PLEKHB2: variants seen among roughly 807,000 people sequenced by gnomAD.
PLEKHB2 encodes pleckstrin homology domain-containing family B member 2.
Under a neutral mutation model 36.5 loss-of-function variants are expected in PLEKHB2, and 31 were observed. The ratio of observed to expected loss-of-function variants is 0.85; its 90% CI spans 0.64 to 1.15. PLEKHB2 has a LOEUF of 1.15. PLEKHB2 is among the 50% of genes most tolerant of loss of function. PLEKHB2 has a pLI of 0.00. For missense variants in PLEKHB2, 262 were observed against 295.3 expected, an observed-to-expected ratio of 0.89 and a Z score of 0.83; for synonymous variants, 119 against 112.0, an observed-to-expected ratio of 1.06 and a Z score of -0.39.
At position 131,115,341 on chromosome 2, in the gene PLEKHB2, C is replaced by CTTTTTTTTTTTTTT. The variant is rs1179533654; in HGVS notation, c.-8-5575_-8-5562dup. ...GCCAAACCATTATCAGAAAGTATGT[C>CTTTTTTTTTTTTTT]TTTTTTTTTTTTTTTTTTTTTTTTT... is the stretch of plus-strand genomic sequence containing the variant. On this transcript the variant is annotated intron_variant, in intron 1 of 7. Coordinates refer to ENST00000693505, the MANE Select transcript of PLEKHB2 (RefSeq NM_001100623.2). 6.2e-5 allele frequency among the ~76,000 whole-genome samples: 4 copies of CTTTTTTTTTTTTTT among 64,546 alleles called. 1 individual carries two copies. Among genetic ancestry groups the CTTTTTTTTTTTTTT allele is most frequent in the Non-Finnish European group, 1.2e-4 (4 of 33,868 alleles). The allele number at this position is 64,546 out of a possible 152,430, so 42.3% of individuals were successfully genotyped here. A position where few individuals can be genotyped will look rare whatever the true frequency, so the allele number is the denominator to read the frequency against.
At chr2:131,134,885 A>AT (rs1698074600) in intron 6 of PLEKHB2, among the ~76,000 whole-genome samples, 1 of 151,946 alleles carries the variant, frequency 6.6e-6, no homozygotes, top group African/African-American at 2.4e-5. Context: ...ATCCTCTTTG[A>AT]TTTTTTTCAT....
At chr2:131,126,849 C>T in intron 4 of PLEKHB2, 63 bp downstream of exon 4, 1 of 962,974 alleles carries the variant, frequency 1.0e-6, no homozygotes, top group Non-Finnish European at 1.6e-6. Flanking sequence ...TTCTGATTAC[C>T]AAAAAATGAA....
chr2:131,105,922 C>T (rs1573502120), intron 1 of PLEKHB2, among the ~76,000 whole-genome samples: 1 of 151,780 alleles, frequency 6.6e-6, no homozygotes, highest in Non-Finnish European at 1.5e-5. Context: ...CTTCTCAGTT[C>T]TCCTGCCCAG....
intron 1 of PLEKHB2, among the ~76,000 whole-genome samples, chr2:131,114,410 C>T (rs1254969887): frequency 1.3e-5 from 2 of 152,240 alleles, no homozygotes; most frequent in Non-Finnish European, 2.9e-5. Context: ...AGGCGTGAGC[C>T]ATGGCCCATC....
chr2:131,149,409 A>G lies in PLEKHB2; in HGVS notation c.*2636A>G, dbSNP rs555757313. 6.6e-6 allele frequency: 1 copy of G among 152,250 alleles called. No individual in the cohort carries two copies. Among genetic ancestry groups the G allele is most frequent in the Non-Finnish European group, 1.5e-5 (1 of 68,052 alleles). The allele number at this position is 152,250 out of a possible 1,614,324, so 9.4% of individuals were successfully genotyped here. On this transcript the variant is annotated 3_prime_UTR_variant, in exon 8 of 8. Coordinates refer to ENST00000693505, the MANE Select transcript of PLEKHB2 (RefSeq NM_001100623.2). ...CTTGAAGAAGTTGGCCAATGATATT[A>G]TATACATGCTGATCTGATTGTTCTT...
At chr2:131,124,589 A>G (rs1408747916) in intron 2 of PLEKHB2, among the ~76,000 whole-genome samples, 2 of 152,186 alleles carry the variant, frequency 1.3e-5, no homozygotes, top group Non-Finnish European at 2.9e-5. Flanking sequence ...AATTTGCTCA[A>G]GCTGACAGAA....
chr2:131,105,646 A>G (rs1036120339), intron 1 of PLEKHB2, among the ~76,000 whole-genome samples: 108 of 151,622 alleles, frequency 7.1e-4, no homozygotes, highest in Non-Finnish European at 2.5e-4. Flanking sequence ...AGCCCATTCG[A>G]GAGCCCTCCC....
chr2:131,149,254 T>G lies in PLEKHB2; in HGVS notation c.*2481T>G, dbSNP rs952594975. 1 of 152,266 alleles carries G rather than the reference T, an allele frequency of 6.6e-6. No homozygotes were observed. The highest frequency in any genetic ancestry group is 6.5e-5 in the Admixed American group (1 of 15,290). The allele number at this position is 152,266 out of a possible 1,614,324, so 9.4% of individuals were successfully genotyped here. On this transcript the variant is annotated 3_prime_UTR_variant, in exon 8 of 8. Transcript: ENST00000693505. ...ATGCCAATGTTTTGATAGCCTCAGT[T>G]TCTCAACGATGTCTTTTGTTTACAG...
intron 1 of PLEKHB2, among the ~76,000 whole-genome samples, chr2:131,112,866 T>G (rs1207179678): frequency 7.2e-5 from 11 of 152,138 alleles, no homozygotes; most frequent in Non-Finnish European, 2.9e-5. Context: ...TTTTCTAAAT[T>G]TTGCCGGCTT....
At chr2:131,105,550 C>T (rs1159054550) in intron 1 of PLEKHB2, among the ~76,000 whole-genome samples, 152 bp downstream of exon 1, 1 of 152,132 alleles carries the variant, frequency 6.6e-6, no homozygotes, top group Non-Finnish European at 1.5e-5. Flanking sequence ...CCCTAATTTT[C>T]CCTGAGGCTC....
At chr2:131,130,868 C>T in intron 5 of PLEKHB2, 108 bp downstream of exon 5, 1 of 765,354 alleles carries the variant, frequency 1.3e-6, no homozygotes, top group Admixed American at 2.2e-5. Flanking sequence ...GCAGCCTCTA[C>T]CTCTCGGGCT....
Position 131,125,889 on chromosome 2 carries a change from G to A in PLEKHB2, c.174G>A (p.Thr58=), listed in dbSNP as rs1697046594. 3.1e-6 allele frequency: 5 copies of A among 1,612,960 alleles called. No homozygotes were observed. The highest frequency in any genetic ancestry group is 1.3e-5 in the African/African-American group (1 of 74,978). ...CAATGGACTGCATCAACATCCGCAC[G>A]GGGCAGGAATGTCGGGGTAAGCTGG... ...HMPMDCINIR[T]GQECRDTQPP... The change falls in exon 3 of 8, where the codon ACG becomes ACA. Residue 58 remains threonine, a synonymous_variant. Coordinates refer to ENST00000693505, the MANE Select transcript of PLEKHB2 (RefSeq NM_001100623.2).
chr2:131,142,883 C>G (rs879768997), intron 7 of PLEKHB2, among the ~76,000 whole-genome samples: 7 of 151,954 alleles, frequency 4.6e-5, no homozygotes, highest in East Asian at 3.9e-4. Flanking sequence ...TTTCTCCCCC[C>G]CAACTAGACT....
chr2:131,118,372 G>A (rs545118940), intron 1 of PLEKHB2, among the ~76,000 whole-genome samples: 2 of 152,318 alleles, frequency 1.3e-5, no homozygotes, highest in South Asian at 2.1e-4. Context: ...AAGCTTCAGC[G>A]TGCATGATTT....
intron 1 of PLEKHB2, among the ~76,000 whole-genome samples, chr2:131,113,079 G>A (rs1392483069): frequency 7.4e-6 from 1 of 134,240 alleles, no homozygotes; most frequent in South Asian, 2.4e-4. Context: ...GTTGGTGTTC[G>A]CTGAAGAATT....
intron 6 of PLEKHB2, among the ~76,000 whole-genome samples, chr2:131,139,519 T>C (rs1002694931): frequency 3.3e-5 from 5 of 152,218 alleles, no homozygotes; most frequent in African/African-American, 1.2e-4. Flanking sequence ...CAAGTATGTC[T>C]GATCTCCTCT....
chr2:131,140,500 A>G (rs184587325), intron 7 of PLEKHB2, among the ~76,000 whole-genome samples: 3,275 of 152,292 alleles, frequency 0.022, 120 homozygotes, highest in African/African-American at 0.074. Flanking sequence ...TTTTGTGTGT[A>G]GATTAGTTCT....
intron 4 of PLEKHB2, 67 bp from the exon 5 acceptor site, chr2:131,130,654 G>C: frequency 8.5e-7 from 1 of 1,182,542 alleles, no homozygotes; most frequent in South Asian, 1.2e-5. Flanking sequence ...TCTGATGCCA[G>C]CCCAGGTTTC....
At position 131,139,503 on chromosome 2, in the gene PLEKHB2, G is replaced by C. The variant is rs555738701; in HGVS notation, c.424-664G>C. 1.0e-3 allele frequency among the ~76,000 whole-genome samples: 152 copies of C among 152,318 alleles called. 1 individual carries two copies. The highest frequency in any genetic ancestry group is 3.4e-3 in the African/African-American group (140 of 41,568). Reference sequence around the variant, plus strand: ...GAGCACTTGTCACAGAACGACATTAGTTGTGCAAGTATGTCTGATCTCCTC... The same window carrying C: ...GAGCACTTGTCACAGAACGACATTACTTGTGCAAGTATGTCTGATCTCCTC... On this transcript the variant is annotated intron_variant, in intron 6 of 7. Transcript: ENST00000693505.
Sources: allele counts gnomAD v4.1 joint callset (sites outside exome capture counted in the v4.1 genomes callset), GRCh38; gene constraint gnomAD v4.1.1; transcripts MANE v1.5; gene names NCBI Gene and HGNC (gene_info 2026-07-23, HGNC 2026-07-21).